The following NRXN3 variants were observed in gnomAD, a reference collection of about 807,000 sequenced individuals.
The protein encoded by NRXN3 is neurexin III.
Under a neutral mutation model 137.6 loss-of-function variants are expected in NRXN3, and 32 were observed. That is an observed-to-expected ratio of 0.23 (90% CI 0.18 to 0.31). The LOEUF is 0.31. Among genes scored for constraint, NRXN3 ranks in the 10% least tolerant of loss-of-function variants. The pLI is 1.00. For missense variants in NRXN3, 1,574 were observed against 2,062.5 expected (o/e 0.76, Z 4.59); for synonymous variants, 798 against 784.5 (o/e 1.02, Z -0.29).
intron 10 of NRXN3, among the ~76,000 whole-genome samples, chr14:78,869,338 G>A (rs569389320): frequency 3.3e-5 from 5 of 152,016 alleles, no homozygotes; most frequent in African/African-American, 9.7e-5. Flanking sequence ...TAGTTTATTC[G>A]CTATTTCTAT....
chr14:79,503,010 A>G (rs1467145993), intron 16 of NRXN3, among the ~76,000 whole-genome samples: 1 of 152,116 alleles, frequency 6.6e-6, no homozygotes, highest in Non-Finnish European at 1.5e-5. Context: ...CGTGGCATTC[A>G]GGGGTTATGG....
chr14:78,627,047 C>G (rs1045659402), intron 4 of NRXN3, among the ~76,000 whole-genome samples: 2 of 151,964 alleles, frequency 1.3e-5, no homozygotes, highest in African/African-American at 2.4e-5. Context: ...TCCTTTTTCA[C>G]TCTCTTAGCT....
chr14:78,649,374 T>A (rs2097717265), intron 5 of NRXN3: 4 of 655,060 alleles, frequency 6.1e-6, no homozygotes, highest in Non-Finnish European at 7.0e-6. Flanking sequence ...CCTTTTCCTC[T>A]CCAACCCCCC....
chr14:79,252,780 C>T (rs576949039), intron 15 of NRXN3, among the ~76,000 whole-genome samples: 9 of 152,182 alleles, frequency 5.9e-5, no homozygotes, highest in Non-Finnish European at 8.8e-5. Context: ...TTTCCACTCA[C>T]TTGTGGAGCT....
At chr14:78,687,288 C>A (rs574530716) in intron 6 of NRXN3, among the ~76,000 whole-genome samples, 1 of 152,120 alleles carries the variant, frequency 6.6e-6, no homozygotes, top group East Asian at 1.9e-4. Context: ...ATTAGGAAAA[C>A]CCCCCTGGCT....
intron 4 of NRXN3, among the ~76,000 whole-genome samples, chr14:78,545,653 G>C (rs1162172943): frequency 6.6e-6 from 1 of 152,112 alleles, no homozygotes; most frequent in African/African-American, 2.4e-5. Flanking sequence ...ATACAAAAAA[G>C]TTTAAAACAT....
chr14:79,409,400 TTATG>T (rs2095372595), intron 15 of NRXN3, among the ~76,000 whole-genome samples: 1 of 151,044 alleles, frequency 6.6e-6, no homozygotes, highest in Non-Finnish European at 1.5e-5. Flanking sequence ...TATGTATACA[TTATG>T]TATATACATA....
intron 10 of NRXN3, among the ~76,000 whole-genome samples, chr14:78,863,050 G>T (rs1222247704): frequency 6.6e-6 from 1 of 152,030 alleles, no homozygotes; most frequent in Non-Finnish European, 1.5e-5. Context: ...TGCCTATAGG[G>T]CTCCGTATTT....
rs1372925242 is a variant in NRXN3 at position 78,785,989 on chromosome 14, C to G, written c.2045-17631C>G. 4.6e-5 allele frequency among the ~76,000 whole-genome samples: 7 copies of G among 152,170 alleles called. No homozygotes were observed. The East Asian group carries it at 1.3e-3, about 29-fold the overall frequency. On this transcript the variant is annotated intron_variant, in intron 8 of 20. Transcript: ENST00000335750. The stretch of plus-strand genomic sequence containing the variant: ...TGTTTACAGTCAAAATGATTATCCT[C>G]CTGCTGACTAGTTGTTCTTTATTCT...
chr14:78,476,912 C>T (rs12897526), intron 4 of NRXN3, among the ~76,000 whole-genome samples: 69,420 of 151,970 alleles, frequency 0.46, 16,308 homozygotes, highest in Middle Eastern at 0.62. Context: ...TTTTTGGGCT[C>T]GTATTCAAGA....
intron 9 of NRXN3, among the ~76,000 whole-genome samples, chr14:78,807,290 G>C (rs1386022020): frequency 6.6e-6 from 1 of 152,190 alleles, no homozygotes; most frequent in Non-Finnish European, 1.5e-5. Flanking sequence ...GTGGCATGTA[G>C]TTTGGTAAAT....
intron 10 of NRXN3, among the ~76,000 whole-genome samples, chr14:78,828,804 G>T (rs1319570374): frequency 6.6e-6 from 1 of 152,184 alleles, no homozygotes; most frequent in Non-Finnish European, 1.5e-5. Flanking sequence ...CTCCTTATAA[G>T]ATTTGCATTA....
chr14:78,194,106 C>A (rs985459008), intron 1 of NRXN3, among the ~76,000 whole-genome samples: 1 of 152,180 alleles, frequency 6.6e-6, no homozygotes, highest in Non-Finnish European at 1.5e-5. Flanking sequence ...TGATGTGCGA[C>A]CCACATCGGT....
intron 4 of NRXN3, among the ~76,000 whole-genome samples, chr14:78,402,626 C>G (rs935672813): frequency 3.9e-5 from 6 of 152,184 alleles, no homozygotes; most frequent in African/African-American, 1.4e-4. Context: ...TGAGCACCTA[C>G]TTAGTGTAGT....
Position 79,147,114 on chromosome 14 carries a change from AAAG to A in NRXN3, c.3262+158977_3262+158979del, listed in dbSNP as rs367979494. On this transcript the variant is annotated intron_variant, in intron 15 of 20. Coordinates refer to ENST00000335750, the MANE Select transcript of NRXN3 (RefSeq NM_001330195.2). ...CAAATGGGTGTAAGAGGGTGAGAGAAAAGAAGGAGATCACTGACCAATTAATTT... is the reference window on the plus strand; with the variant it reads ...CAAATGGGTGTAAGAGGGTGAGAGAAAAGGAGATCACTGACCAATTAATTT... 3.7e-4 allele frequency among the ~76,000 whole-genome samples: 57 copies of A among 152,218 alleles called. No individual in the cohort carries two copies. In the East Asian group the frequency reaches 8.2e-3, roughly 22 times the overall value.
At chr14:79,769,844 T>A (rs1217401325) in intron 19 of NRXN3, among the ~76,000 whole-genome samples, 1 of 151,930 alleles carries the variant, frequency 6.6e-6, no homozygotes, top group East Asian at 1.9e-4. Context: ...GGTTAAAGAG[T>A]CAAGACCCAT....
At chr14:79,448,669 C>T (rs1174341532) in intron 15 of NRXN3, among the ~76,000 whole-genome samples, 1 of 152,160 alleles carries the variant, frequency 6.6e-6, no homozygotes, top group African/African-American at 2.4e-5. Flanking sequence ...CCCCAAACAG[C>T]ATTTGAGCTT....
chr14:78,538,762 G>A (rs1490998311), intron 4 of NRXN3, among the ~76,000 whole-genome samples: 2 of 152,130 alleles, frequency 1.3e-5, no homozygotes, highest in Non-Finnish European at 2.9e-5. Context: ...GTCATAAATA[G>A]CTCTTATTAT....
chr14:78,974,784 C>G (rs1274408890), intron 14 of NRXN3, among the ~76,000 whole-genome samples: 1 of 152,046 alleles, frequency 6.6e-6, no homozygotes, highest in Admixed American at 6.6e-5. Flanking sequence ...CTATTACTCA[C>G]AAGCTGGCTT....
Sources: allele counts gnomAD v4.1 joint callset (sites outside exome capture counted in the v4.1 genomes callset), GRCh38; gene constraint gnomAD v4.1.1; transcripts MANE v1.5; gene names NCBI Gene and HGNC (gene_info 2026-07-23, HGNC 2026-07-21).